TNFRSF10D: variants seen among roughly 807,000 people sequenced by gnomAD.
TNFRSF10D encodes the protein TNF receptor superfamily member 10d.
In TNFRSF10D, 28 loss-of-function variants were observed where a neutral mutation model predicts 42.1. The observed-to-expected ratio is 0.66, with a 90% CI of 0.49 to 0.91. TNFRSF10D has a LOEUF of 0.91. TNFRSF10D is among the 40% of genes least tolerant of loss of function. The probability of loss-of-function intolerance (pLI) is 0.00; values close to 1 mark genes in which losing one functional copy is unlikely to be tolerated. For missense variants in TNFRSF10D, 503 were observed against 486.1 expected, an observed-to-expected ratio of 1.03 and a Z score of -0.33; for synonymous variants, 186 against 189.4, an observed-to-expected ratio of 0.98 and a Z score of 0.15.
Position 23,137,755 on chromosome 8 carries a change from G to T in TNFRSF10D, c.*115C>A. 7.2e-7 allele frequency: 1 copy of T among 1,379,380 alleles called. No homozygotes were observed. Among genetic ancestry groups the T allele is most frequent in the Non-Finnish European group, 9.8e-7 (1 of 1,016,164 alleles). 85.4% of individuals were successfully genotyped at this position (1,379,380 alleles called of 1,614,324 possible). ...GACCATTGGTAAGCTGCCCCATATT[G>T]GATAGTAGAGTTTGTTGGGGCATGG... On this transcript the variant is annotated 3_prime_UTR_variant, in exon 9 of 9. Transcript: ENST00000312584.
intron 3 of TNFRSF10D, among the ~76,000 whole-genome samples, chr8:23,147,802 C>T (rs1329007314): frequency 6.6e-6 from 1 of 152,004 alleles, no homozygotes; most frequent in Non-Finnish European, 1.5e-5. Context: ...GTGGCTCATG[C>T]CTGTAAGCCC....
chr8:23,159,728 G>C (rs1346119043), intron 1 of TNFRSF10D, among the ~76,000 whole-genome samples: 3 of 152,056 alleles, frequency 2.0e-5, no homozygotes, highest in Admixed American at 6.5e-5. Flanking sequence ...CAGGCGCAAG[G>C]GTGGGCACCT....
intron 5 of TNFRSF10D, 145 bp downstream of exon 5, chr8:23,145,523 G>A (rs1025815172): frequency 8.1e-7 from 1 of 1,238,962 alleles, no homozygotes; most frequent in East Asian, 2.5e-5. Flanking sequence ...AGGACGTGGG[G>A]ATGGGGCGAT....
At chr8:23,155,234 A>AG (rs1259994946) in intron 1 of TNFRSF10D, among the ~76,000 whole-genome samples, 4 of 149,074 alleles carry the variant, frequency 2.7e-5, no homozygotes, top group African/African-American at 9.8e-5. Context: ...AAATATGAGC[A>AG]GAAGAGTTTT....
At chr8:23,160,931 A>C (rs529210814) in intron 1 of TNFRSF10D, among the ~76,000 whole-genome samples, 3 of 150,048 alleles carry the variant, frequency 2.0e-5, no homozygotes, top group Admixed American at 2.0e-4. Context: ...CCTCACTTGA[A>C]CTCTGGCTCC....
chr8:23,143,710 A>G (rs1390981621), intron 7 of TNFRSF10D, among the ~76,000 whole-genome samples: 1 of 152,232 alleles, frequency 6.6e-6, no homozygotes, highest in Non-Finnish European at 1.5e-5. Context: ...GGAAGGAGAC[A>G]GTGACTCACA....
chr8:23,144,962 A>G (rs556269546), intron 6 of TNFRSF10D, 96 bp downstream of exon 6: 1 of 1,564,790 alleles, frequency 6.4e-7, no homozygotes, highest in East Asian at 2.2e-5. Flanking sequence ...CAGGGCAGCC[A>G]TGAGGACAAG....
At chr8:23,156,696 C>T (rs942786469) in intron 1 of TNFRSF10D, among the ~76,000 whole-genome samples, 2 of 151,864 alleles carry the variant, frequency 1.3e-5, no homozygotes, top group Non-Finnish European at 2.9e-5. Flanking sequence ...CCTAAGTGGC[C>T]GGGACCACAG....
intron 7 of TNFRSF10D, among the ~76,000 whole-genome samples, chr8:23,143,193 G>A (rs1800057786): frequency 6.6e-6 from 1 of 151,100 alleles, no homozygotes; most frequent in Non-Finnish European, 1.5e-5. Flanking sequence ...GGCCAGGATG[G>A]TCTCCATCTC....
At position 23,143,039 on chromosome 8, in the gene TNFRSF10D, T is replaced by G. The variant is rs184141476; in HGVS notation, c.954+1411A>C. Among the ~76,000 whole-genome samples the G allele has an allele frequency of 3.0e-3, 461 of 152,204 alleles. 1 individual carries two copies. Among genetic ancestry groups the G allele is most frequent in the African/African-American group, 0.011 (439 of 41,544 alleles). ...TAGCCCAGGCTGGAGTGCAGTGGCG[T>G]GATCTCGGCTCACTGCAGGCTCCGC... On this transcript the variant is annotated intron_variant, in intron 7 of 8. Coordinates refer to ENST00000312584, the MANE Select transcript of TNFRSF10D (RefSeq NM_003840.5).
At chr8:23,148,181 G>A (rs560774529) in intron 3 of TNFRSF10D, among the ~76,000 whole-genome samples, 2 of 151,656 alleles carry the variant, frequency 1.3e-5, no homozygotes, top group Non-Finnish European at 2.9e-5. Flanking sequence ...AGAGGTTGCA[G>A]TGAGCCAAGA....
At chr8:23,162,467 T>C (rs1800380440) in intron 1 of TNFRSF10D, among the ~76,000 whole-genome samples, 1 of 152,196 alleles carries the variant, frequency 6.6e-6, no homozygotes, top group Non-Finnish European at 1.5e-5. Context: ...AAAGAAAACA[T>C]GGAGACTCTC....
intron 2 of TNFRSF10D, among the ~76,000 whole-genome samples, chr8:23,152,077 T>C (rs2128838334): frequency 6.6e-6 from 1 of 152,376 alleles, no homozygotes; most frequent in East Asian, 1.9e-4. Flanking sequence ...GTCTGACCTA[T>C]GTCCAGTTTT....
At chr8:23,139,364 C>A (rs905980440) in intron 7 of TNFRSF10D, among the ~76,000 whole-genome samples, 3 of 151,834 alleles carry the variant, frequency 2.0e-5, no homozygotes, top group Non-Finnish European at 4.4e-5. Context: ...AATTTTAAAG[C>A]GAATTGATAA....
intron 1 of TNFRSF10D, among the ~76,000 whole-genome samples, chr8:23,159,180 G>A (rs894237069): frequency 2.0e-5 from 3 of 151,978 alleles, no homozygotes; most frequent in Non-Finnish European, 2.9e-5. Flanking sequence ...TTCCCAGGCC[G>A]GTCTTGAACT....
At chr8:23,162,340 C>G (rs1355986883) in intron 1 of TNFRSF10D, among the ~76,000 whole-genome samples, 1 of 152,222 alleles carries the variant, frequency 6.6e-6, no homozygotes, top group African/African-American at 2.4e-5. Flanking sequence ...CTGACACAGC[C>G]ATTCTTCTAG....
chr8:23,138,172 G>A lies in TNFRSF10D; in HGVS notation c.1027+16C>T. The A allele has an allele frequency of 1.2e-6, 2 of 1,614,204 alleles. No homozygotes were observed. Among genetic ancestry groups the A allele is most frequent in the Non-Finnish European group, 1.7e-6 (2 of 1,180,028 alleles). On this transcript the variant is annotated intron_variant, in intron 8 of 8. Coordinates refer to ENST00000312584, the MANE Select transcript of TNFRSF10D (RefSeq NM_003840.5). Reference sequence around the variant, plus strand: ...TCCCTGTCCTCCTGCTGCGTCTCAAGGCACAAAACACTTACTGTCAGCGGA... The same window carrying A: ...TCCCTGTCCTCCTGCTGCGTCTCAAAGCACAAAACACTTACTGTCAGCGGA...
chr8:23,155,444 G>A (rs1023452885), intron 1 of TNFRSF10D, among the ~76,000 whole-genome samples: 2 of 152,046 alleles, frequency 1.3e-5, no homozygotes, highest in Non-Finnish European at 2.9e-5. Flanking sequence ...AAAAGGCCAG[G>A]CGCGGTGGCT....
chr8:23,138,026 G>A (rs762109693), intron 8 of TNFRSF10D, 23 bp from the exon 9 acceptor site: 34 of 1,613,260 alleles, frequency 2.1e-5, no homozygotes, highest in Non-Finnish European at 2.7e-5. Context: ...AAGAGATTTA[G>A]GGTCTCAATG....
Sources: gnomAD v4.1 joint callset for allele counts (sites outside exome capture counted in the v4.1 genomes callset) on GRCh38, gnomAD v4.1.1 for gene constraint, MANE v1.5 for transcripts, NCBI Gene and HGNC (gene_info 2026-07-23, HGNC 2026-07-21) for gene names.